Variants in TBC1D22A observed in about 807,000 individuals in gnomAD.
TBC1D22A encodes putative GTPase activator.
TBC1D22A carries 38 observed loss-of-function variants against 60.2 expected under a neutral mutation model. The observed-to-expected ratio is 0.63, with a 90% CI of 0.49 to 0.83. TBC1D22A has a LOEUF of 0.83. TBC1D22A is among the 40% of genes least tolerant of loss of function. The probability of loss-of-function intolerance (pLI) is 0.00; values close to 1 mark genes in which losing one functional copy is unlikely to be tolerated. For missense variants in TBC1D22A, 628 were observed against 701.0 expected (o/e 0.90, Z 1.18); for synonymous variants, 302 against 281.7 (o/e 1.07, Z -0.72).
intron 1 of TBC1D22A, among the ~76,000 whole-genome samples, chr22:46,782,017 A>G (rs879937768): frequency 1.9e-4 from 29 of 152,316 alleles, no homozygotes; most frequent in Middle Eastern, 3.4e-3. Context: ...TTACGCTACA[A>G]ACTTGTCATT....
intron 9 of TBC1D22A, among the ~76,000 whole-genome samples, chr22:46,997,185 A>G (rs986341611): frequency 6.6e-5 from 10 of 152,360 alleles, no homozygotes; most frequent in Admixed American, 3.3e-4. Flanking sequence ...TAGCATTTGG[A>G]CTGTGGCCAC....
At chr22:46,893,184 A>AT (rs1301735362) in intron 6 of TBC1D22A, among the ~76,000 whole-genome samples, 1 of 152,108 alleles carries the variant, frequency 6.6e-6, no homozygotes, top group Non-Finnish European at 1.5e-5. Flanking sequence ...TCTTCATTTG[A>AT]TTTTTATGTG....
intron 7 of TBC1D22A, among the ~76,000 whole-genome samples, chr22:46,900,239 C>T (rs909352961): frequency 4.6e-5 from 7 of 151,758 alleles, no homozygotes; most frequent in African/African-American, 1.7e-4. Context: ...GCAACCTCCG[C>T]CTCCTGGGTT....
At chr22:46,906,789 G>T (rs1369902356) in intron 7 of TBC1D22A, among the ~76,000 whole-genome samples, 2 of 147,360 alleles carry the variant, frequency 1.4e-5, no homozygotes, top group African/African-American at 5.4e-5. Context: ...CTGTGTGTGT[G>T]TGTGTGTGTG....
At chr22:46,822,192 T>C (rs2085860196) in intron 4 of TBC1D22A, among the ~76,000 whole-genome samples, 1 of 152,096 alleles carries the variant, frequency 6.6e-6, no homozygotes, top group African/African-American at 2.4e-5. Context: ...CATGCTCCTT[T>C]AGCTCAGTGT....
intron 8 of TBC1D22A, among the ~76,000 whole-genome samples, chr22:46,973,059 G>A (rs375915253): frequency 1.3e-5 from 2 of 152,338 alleles, no homozygotes; most frequent in Non-Finnish European, 1.5e-5. Context: ...ACCAAGAACC[G>A]TGGGAGGTGG....
chr22:47,051,233 A>G (rs147409341), intron 11 of TBC1D22A, among the ~76,000 whole-genome samples: 378 of 152,308 alleles, frequency 2.5e-3, no homozygotes, highest in African/African-American at 8.6e-3. Context: ...TGTTGTCTCT[A>G]AATACGTAAA....
intron 4 of TBC1D22A, among the ~76,000 whole-genome samples, chr22:46,817,016 C>T (rs962987956): frequency 3.3e-5 from 5 of 152,162 alleles, no homozygotes; most frequent in Admixed American, 3.3e-4. Context: ...AAAAGAACAT[C>T]TTGTATTGCA....
intron 11 of TBC1D22A, among the ~76,000 whole-genome samples, chr22:47,053,468 A>T (rs1289472301): frequency 3.9e-5 from 6 of 152,168 alleles, no homozygotes; most frequent in Non-Finnish European, 7.4e-5. Context: ...CGTCAGGCGC[A>T]CTCAGAGGCC....
intron 11 of TBC1D22A, among the ~76,000 whole-genome samples, chr22:47,070,566 C>T (rs1419315917): frequency 1.3e-5 from 2 of 149,288 alleles, no homozygotes; most frequent in African/African-American, 2.5e-5. Context: ...TGGACGCTGT[C>T]CCCTGTTGTT....
rs189670928 is a variant in TBC1D22A, at chr22:46,789,281, A to G, written c.63-3239A>G. The G allele has an allele frequency of 2.7e-3, 974 of 356,656 alleles. 22 individuals carry two copies. In the Admixed American group the frequency reaches 0.029, roughly 11 times the overall value. The allele number at this position is 356,656 out of a possible 1,614,324, so 22.1% of individuals were successfully genotyped here. Reference sequence around the variant, plus strand: ...GCTGGGATTACAGGCACGTGCCACCAAGCCCGGCTAATTTTTTGTATTTTT... The same window carrying G: ...GCTGGGATTACAGGCACGTGCCACCGAGCCCGGCTAATTTTTTGTATTTTT... On this transcript the variant is annotated intron_variant, in intron 1 of 12. Transcript: ENST00000337137.
rs748741270 is a variant in TBC1D22A, at chr22:46,793,787, G to A, written c.406G>A (p.Gly136Ser). The A allele has an allele frequency of 9.7e-5, 155 of 1,599,222 alleles. No homozygotes were observed. The highest frequency in any genetic ancestry group is 1.3e-4 in the Non-Finnish European group (151 of 1,173,600). The change falls in exon 3 of 13, where the codon GGC (glycine) becomes AGC (serine). Residue 136 changes from glycine (G) to serine (S), a missense_variant. Coordinates refer to ENST00000337137, the MANE Select transcript of TBC1D22A (RefSeq NM_014346.5). ...PEAEPPSPPS[G>S]DLRLVKSVSE... ...GGCAGAGCCGCCCTCACCCCCCAGC[G>A]GCGACCTCCGGCTGGTGAAGTCGGT...
At chr22:46,769,388 G>A (rs555820129) in intron 1 of TBC1D22A, among the ~76,000 whole-genome samples, 21 of 152,362 alleles carry the variant, frequency 1.4e-4, no homozygotes, top group South Asian at 6.2e-4. Context: ...GCTGTGGTGC[G>A]TGCTGAGCAA....
chr22:47,005,415 C>T (rs1310709121), intron 10 of TBC1D22A, among the ~76,000 whole-genome samples: 1 of 151,526 alleles, frequency 6.6e-6, no homozygotes, highest in African/African-American at 2.4e-5. Flanking sequence ...CACATATATA[C>T]ACATACCCCT....
chr22:47,114,350 C>A lies in TBC1D22A; in HGVS notation c.1425+2747C>A, dbSNP rs561502758. Among the ~76,000 whole-genome samples, 13 of 152,088 alleles carry A rather than the reference C, an allele frequency of 8.5e-5. No homozygotes were observed. The South Asian group carries it at 2.7e-3, about 32-fold the overall frequency. On this transcript the variant is annotated intron_variant, in intron 12 of 12. Coordinates refer to ENST00000337137, the MANE Select transcript of TBC1D22A (RefSeq NM_014346.5). ...TTGAGTGGGGAACCGGGAGGAGGCG[C>A]TGGCAGAGGAGCCATGAGATTGATT...
intron 10 of TBC1D22A, 125 bp downstream of exon 10, chr22:46,997,834 C>T (rs535674496): frequency 1.2e-5 from 9 of 764,618 alleles, no homozygotes; most frequent in Non-Finnish European, 1.7e-5. Context: ...CCCTCATGGG[C>T]ATCCTTCTGA....
At chr22:47,163,575 A>G (rs539137076) in intron 12 of TBC1D22A, among the ~76,000 whole-genome samples, 23 of 152,326 alleles carry the variant, frequency 1.5e-4, no homozygotes, top group Non-Finnish European at 2.9e-4. Flanking sequence ...GGAAAGGGAC[A>G]GCCATGGTTG....
At chr22:46,796,327 C>T (rs1260433587) in intron 3 of TBC1D22A, among the ~76,000 whole-genome samples, 2 of 152,110 alleles carry the variant, frequency 1.3e-5, no homozygotes, top group African/African-American at 4.8e-5. Flanking sequence ...TTATTTTCCC[C>T]CACTCCCAGG....
chr22:46,951,988 G>T (rs1247568976), intron 8 of TBC1D22A, among the ~76,000 whole-genome samples: 1 of 152,218 alleles, frequency 6.6e-6, no homozygotes. Flanking sequence ...AGAAGTCACA[G>T]AGCAGGCTGT....
Sources: allele counts gnomAD v4.1 joint callset (sites outside exome capture counted in the v4.1 genomes callset), GRCh38; gene constraint gnomAD v4.1.1; transcripts MANE v1.5; gene names NCBI Gene and HGNC (gene_info 2026-07-23, HGNC 2026-07-21).